PTPRQ: variants seen among roughly 807,000 people sequenced by gnomAD.
PTPRQ encodes protein tyrosine phosphatase receptor type Q, also known as phosphatidylinositol phosphatase PTPRQ.
In PTPRQ, 199 loss-of-function variants were observed where a neutral mutation model predicts 246.0. That is an observed-to-expected ratio of 0.81 (90% CI 0.72 to 0.91). The LOEUF (loss-of-function observed/expected upper bound fraction) is 0.91, where lower values mean the gene tolerates loss of function less well. Ranked by LOEUF, PTPRQ falls within the 40% of genes least tolerant of loss-of-function variation. The probability of loss-of-function intolerance (pLI) is 0.00; values close to 1 mark genes in which losing one functional copy is unlikely to be tolerated. For missense variants in PTPRQ, 2,624 were observed against 2,528.4 expected (o/e 1.04, Z -0.81); for synonymous variants, 869 against 853.2 (o/e 1.02, Z -0.32).
At chr12:80,614,508 T>C (rs1225055862) in intron 29 of PTPRQ, among the ~76,000 whole-genome samples, 1 of 150,976 alleles carries the variant, frequency 6.6e-6, no homozygotes, top group Non-Finnish European at 1.5e-5. Flanking sequence ...TCTTGATTAA[T>C]ATCAATGTAA....
At chr12:80,642,919 T>C (rs111419012) in intron 35 of PTPRQ, among the ~76,000 whole-genome samples, 27,997 of 76,628 alleles carry the variant, frequency 0.37, 5,732 homozygotes, top group African/African-American at 0.63. Context: ...GACTCCGTCT[T>C]AAAAAAAAAA....
intron 39 of PTPRQ, among the ~76,000 whole-genome samples, chr12:80,658,524 A>G (rs906581465): frequency 3.3e-5 from 5 of 152,152 alleles, no homozygotes; most frequent in African/African-American, 7.2e-5. Flanking sequence ...TATGCACTCA[A>G]GATCTCCACT....
At chr12:80,543,709 G>A (rs886799459) in intron 23 of PTPRQ, among the ~76,000 whole-genome samples, 3 of 152,120 alleles carry the variant, frequency 2.0e-5, no homozygotes, top group African/African-American at 7.2e-5. Context: ...AAAGTCAAAA[G>A]CAGGCATTAA....
At chr12:80,646,114 A>G (rs1188100232) in intron 35 of PTPRQ, among the ~76,000 whole-genome samples, 1 of 152,186 alleles carries the variant, frequency 6.6e-6, no homozygotes, top group Non-Finnish European at 1.5e-5. Flanking sequence ...TCCTTATATC[A>G]GTATCAATTG....
chr12:80,565,089 A>G (rs1173304265), intron 25 of PTPRQ, among the ~76,000 whole-genome samples: 1 of 152,234 alleles, frequency 6.6e-6, no homozygotes, highest in Non-Finnish European at 1.5e-5. Context: ...TGAGGCCATT[A>G]TGGGAAATGT....
At chr12:80,623,484 G>A (rs1899075093) in intron 33 of PTPRQ, among the ~76,000 whole-genome samples, 2 of 152,058 alleles carry the variant, frequency 1.3e-5, no homozygotes, top group Non-Finnish European at 2.9e-5. Context: ...TCATTTGATA[G>A]GTGAGTCTAT....
intron 9 of PTPRQ, among the ~76,000 whole-genome samples, chr12:80,489,399 G>T (rs1184932492): frequency 6.6e-6 from 1 of 151,890 alleles, no homozygotes; most frequent in Admixed American, 6.6e-5. Context: ...AAGATCACAT[G>T]AGTAAAAGTA....
At chr12:80,508,766 G>A (rs1336355847) in intron 16 of PTPRQ, among the ~76,000 whole-genome samples, 1 of 151,984 alleles carries the variant, frequency 6.6e-6, no homozygotes, top group African/African-American at 2.4e-5. Context: ...TTTTTAGATA[G>A]ACATGTTAAT....
chr12:80,522,816 A>G (rs1160798984), intron 17 of PTPRQ, among the ~76,000 whole-genome samples: 1 of 152,100 alleles, frequency 6.6e-6, no homozygotes, highest in Non-Finnish European at 1.5e-5. Context: ...ATATTCATGT[A>G]AAATTCTCTT....
intron 30 of PTPRQ, among the ~76,000 whole-genome samples, chr12:80,616,716 G>A (rs1013967109): frequency 4.6e-5 from 7 of 151,096 alleles, no homozygotes; most frequent in African/African-American, 1.7e-4. Context: ...CATGTAGGTT[G>A]GTTTATGATT....
chr12:80,496,272 T>C lies in PTPRQ; in HGVS notation c.2013T>C (p.Asp671=). ...TAGAACCGGAATCATCACCTCAAGA[T>C]GTCGAAGTAATTGATGTTACCGCAG... ...SEDEPESSPQ[D]VEVIDVTADE... The change falls in exon 14 of 45, where the codon GAT becomes GAC. Residue 671 remains aspartate, a synonymous_variant. Coordinates refer to ENST00000644991, the MANE Select transcript of PTPRQ (RefSeq NM_001145026.2). The C allele has an allele frequency of 6.4e-7, 1 of 1,550,530 alleles. No homozygotes were observed. The highest frequency in any genetic ancestry group is 2.0e-5 in the Admixed American group (1 of 50,900).
intron 26 of PTPRQ, among the ~76,000 whole-genome samples, chr12:80,597,765 C>A (rs1898016946): frequency 6.6e-6 from 1 of 151,930 alleles, no homozygotes; most frequent in Non-Finnish European, 1.5e-5. Flanking sequence ...TACTAAGCCC[C>A]ACACTCACGG....
intron 26 of PTPRQ, among the ~76,000 whole-genome samples, chr12:80,594,120 T>A (rs1897892229): frequency 1.3e-5 from 2 of 152,182 alleles, no homozygotes; most frequent in African/African-American, 4.8e-5. Context: ...GAGGGCAAAG[T>A]ACACTTTAAC....
chr12:80,449,736 T>A (rs1892685228), intron 3 of PTPRQ, among the ~76,000 whole-genome samples: 1 of 152,200 alleles, frequency 6.6e-6, no homozygotes, highest in African/African-American at 2.4e-5. Context: ...TTGATCTATA[T>A]CTCTGTTTTG....
intron 25 of PTPRQ, among the ~76,000 whole-genome samples, chr12:80,580,088 A>C (rs557775188): frequency 3.3e-5 from 5 of 152,292 alleles, no homozygotes; most frequent in Admixed American, 6.5e-5. Flanking sequence ...GCAATTTCTA[A>C]TAACTGATAT....
chr12:80,650,843 GA>G (rs1184812910), intron 37 of PTPRQ, among the ~76,000 whole-genome samples: 2 of 138,790 alleles, frequency 1.4e-5, no homozygotes, highest in African/African-American at 6.2e-5. Context: ...ACATATATGA[GA>G]AAGTTTCTAG....
intron 35 of PTPRQ, among the ~76,000 whole-genome samples, chr12:80,635,656 T>C (rs1316840624): frequency 1.3e-5 from 2 of 152,008 alleles, no homozygotes; most frequent in Non-Finnish European, 2.9e-5. Context: ...CTATTGGAAA[T>C]AGTAAAGTAC....
chr12:80,506,744 A>G (rs1894973552), intron 16 of PTPRQ, 74 bp downstream of exon 16: 1 of 1,333,558 alleles, frequency 7.5e-7, no homozygotes, highest in Non-Finnish European at 1.0e-6. Flanking sequence ...GAATGAAACA[A>G]TGTAAAAACT....
intron 26 of PTPRQ, among the ~76,000 whole-genome samples, chr12:80,589,066 C>A (rs929994688): frequency 1.3e-5 from 2 of 152,172 alleles, no homozygotes; most frequent in Non-Finnish European, 2.9e-5. Context: ...ACTTTAAGTG[C>A]TTTTCCATAC....
Sources: gnomAD v4.1 joint callset for allele counts (sites outside exome capture counted in the v4.1 genomes callset) on GRCh38, gnomAD v4.1.1 for gene constraint, MANE v1.5 for transcripts, NCBI Gene and HGNC (gene_info 2026-07-23, HGNC 2026-07-21) for gene names.